Variants in MEMO1 observed in about 807,000 individuals in gnomAD.
MEMO1 encodes protein MEMO1.
In MEMO1, 6 loss-of-function variants were observed where a neutral mutation model predicts 45.2. That is an observed-to-expected ratio of 0.13 (90% CI 0.07 to 0.26). The LOEUF is 0.26. Ranked by LOEUF, MEMO1 falls within the 10% of genes least tolerant of loss-of-function variation. The pLI is 1.00. For synonymous variants in MEMO1, 78 were observed against 124.3 expected, an observed-to-expected ratio of 0.63 and a Z score of 2.48; for missense variants, 184 against 370.5, an observed-to-expected ratio of 0.50 and a Z score of 4.13.
At chr2:31,918,987 C>T (rs928284992) in intron 5 of MEMO1, among the ~76,000 whole-genome samples, 3 of 152,076 alleles carry the variant, frequency 2.0e-5, no homozygotes, top group African/African-American at 4.8e-5. Flanking sequence ...GTTAGAAATA[C>T]TCATTTCATT....
At chr2:31,868,601 C>A in intron 9 of MEMO1, 109 bp from the exon 10 acceptor site, 1 of 1,000,960 alleles carries the variant, frequency 1.0e-6, no homozygotes, top group Non-Finnish European at 1.3e-6. Context: ...TAGATTATCT[C>A]TTTTGCTCTT....
chr2:31,969,199 C>G (rs1310486173), intron 2 of MEMO1, among the ~76,000 whole-genome samples: 1 of 151,518 alleles, frequency 6.6e-6, no homozygotes, highest in Non-Finnish European at 1.5e-5. Context: ...TTCCTAATCT[C>G]CAATATTTCA....
chr2:31,890,185 T>C (rs1414561033), intron 7 of MEMO1, among the ~76,000 whole-genome samples: 1 of 152,168 alleles, frequency 6.6e-6, no homozygotes, highest in Admixed American at 6.5e-5. Context: ...ACTGACGTTT[T>C]ATGTGAATTT....
intron 2 of MEMO1, among the ~76,000 whole-genome samples, chr2:31,956,038 T>C (rs998005601): frequency 1.3e-5 from 2 of 152,202 alleles, no homozygotes; most frequent in African/African-American, 4.8e-5. Context: ...AATATAAATC[T>C]GGACCATAAA....
At chr2:31,871,385 A>C (rs905872135) in intron 8 of MEMO1, among the ~76,000 whole-genome samples, 3 of 152,154 alleles carry the variant, frequency 2.0e-5, no homozygotes, top group Admixed American at 6.6e-5. Context: ...AAATGACAGC[A>C]ATCAGTGGGT....
At chr2:31,878,003 T>C (rs1674802868) in intron 8 of MEMO1, among the ~76,000 whole-genome samples, 1 of 152,224 alleles carries the variant, frequency 6.6e-6, no homozygotes, top group African/African-American at 2.4e-5. Context: ...GACAGAAATG[T>C]AATTAAGTAT....
At chr2:31,923,049 C>A (rs1281554491) in intron 4 of MEMO1, among the ~76,000 whole-genome samples, 1 of 152,110 alleles carries the variant, frequency 6.6e-6, no homozygotes, top group Non-Finnish European at 1.5e-5. Flanking sequence ...GAAATCGCCA[C>A]ACTGTTTTCC....
intron 2 of MEMO1, among the ~76,000 whole-genome samples, chr2:32,005,351 A>T (rs976111428): frequency 6.6e-5 from 10 of 150,826 alleles, no homozygotes; most frequent in Admixed American, 2.0e-4. Context: ...CTCAAAGAAT[A>T]CATACTATAT....
At chr2:32,009,737 G>A (rs948343996) in intron 2 of MEMO1, among the ~76,000 whole-genome samples, 2 of 152,186 alleles carry the variant, frequency 1.3e-5, no homozygotes, top group Non-Finnish European at 2.9e-5. Context: ...TCGGCAAGAG[G>A]GCGGAGGGTC....
Position 31,883,438 on chromosome 2 carries a change from T to C in MEMO1, c.605A>G (p.Tyr202Cys), listed in dbSNP as rs1276397167. Residue 202 changes from tyrosine (Y) to cysteine (C), a missense_variant, in exon 8 of 10, where the codon TAT becomes TGT. Around this residue, in one of 3 missense-constraint regions of MEMO1, gnomAD observed 97 missense variants for 209.3 expected, o/e 0.46. Transcript: ENST00000404530. ...ATAAATCTCCCCCTGGGATTCATCA[T>C]AGTAACTGTAACGGAACCTTTGACC... ...HWGQRFRYSY[Y>C]DESQGEIYRS... 4 of 1,593,070 alleles carry C rather than the reference T, an allele frequency of 2.5e-6. No individual in the cohort carries two copies. The highest frequency in any genetic ancestry group is 3.4e-6 in the Non-Finnish European group (4 of 1,171,494).
intron 8 of MEMO1, among the ~76,000 whole-genome samples, chr2:31,876,857 A>T (rs889231823): frequency 2.0e-5 from 3 of 152,128 alleles, no homozygotes; most frequent in African/African-American, 7.2e-5. Flanking sequence ...TACTGAATAT[A>T]TACATTTCTG....
In MEMO1 at chr2:31,977,239, C is replaced by A. The variant is rs1315213990; in HGVS notation, c.61+32948G>T. 2.0e-5 allele frequency among the ~76,000 whole-genome samples: 3 copies of A among 151,922 alleles called. No homozygotes were observed. The East Asian group carries it at 5.8e-4, about 29-fold the overall frequency. On this transcript the variant is annotated intron_variant, in intron 2 of 9. Transcript: ENST00000404530. ...GAAAGGGAAAGCTAGAATAGCTGAC[C>A]CCTTTAAAACCTAGGTTAAGCAGTT...
At chr2:31,999,851 T>C (rs910603311) in intron 2 of MEMO1, among the ~76,000 whole-genome samples, 1 of 151,484 alleles carries the variant, frequency 6.6e-6, no homozygotes, top group African/African-American at 2.4e-5. Context: ...TAATGTACAA[T>C]ACAAGGCTTG....
chr2:31,932,595 T>C (rs1664320250), intron 3 of MEMO1, among the ~76,000 whole-genome samples: 1 of 152,070 alleles, frequency 6.6e-6, no homozygotes, highest in African/African-American at 2.4e-5. Flanking sequence ...CATGCCACCA[T>C]TATCTGGCTC....
chr2:31,890,162 TA>T (rs2147980191), intron 7 of MEMO1, among the ~76,000 whole-genome samples: 1 of 152,266 alleles, frequency 6.6e-6, no homozygotes, highest in Admixed American at 6.5e-5. Flanking sequence ...AAAAGAGCAA[TA>T]TTGAAATGTT....
At chr2:31,948,086 T>C (rs1294515971) in intron 2 of MEMO1, among the ~76,000 whole-genome samples, 2 of 152,208 alleles carry the variant, frequency 1.3e-5, no homozygotes, top group South Asian at 2.1e-4. Context: ...TCTCAGGTGA[T>C]AGCAATGTTG....
chr2:31,984,685 A>G (rs1032157898), intron 2 of MEMO1, among the ~76,000 whole-genome samples: 1 of 152,238 alleles, frequency 6.6e-6, no homozygotes, highest in Non-Finnish European at 1.5e-5. Context: ...GGGCACCTGT[A>G]GTCCCAGCCA....
intron 7 of MEMO1, among the ~76,000 whole-genome samples, chr2:31,886,046 G>A (rs1248334760): frequency 2.6e-5 from 4 of 152,194 alleles, no homozygotes; most frequent in African/African-American, 7.2e-5. Context: ...TTAAAATACT[G>A]GATCGGCATG....
rs908127592 is a variant in MEMO1 at position 31,917,899 on chromosome 2, G to C, written c.437+27C>G. On this transcript the variant is annotated intron_variant, in intron 6 of 9. Transcript: ENST00000404530. Reference sequence around the variant, plus strand: ...AAGAAATTAATGTCTATGATTTCCTGGGGATTTCTTATATCAATCAATATA... The same window carrying C: ...AAGAAATTAATGTCTATGATTTCCTCGGGATTTCTTATATCAATCAATATA... 2.1e-6 allele frequency: 3 copies of C among 1,425,220 alleles called. No homozygotes were observed. The Admixed American group carries it at 6.0e-5, about 28-fold the overall frequency. The allele number at this position is 1,425,220 out of a possible 1,614,324, so 88.3% of individuals were successfully genotyped here. A position where few individuals can be genotyped will look rare whatever the true frequency, so the allele number is the denominator to read the frequency against.
Sources: allele counts gnomAD v4.1 joint callset (sites outside exome capture counted in the v4.1 genomes callset), GRCh38; gene constraint gnomAD v4.1.1; regional missense constraint gnomAD v4.1.1; transcripts MANE v1.5; gene names NCBI Gene and HGNC (gene_info 2026-07-23, HGNC 2026-07-21).